RAPGEF4: variants seen among roughly 807,000 people sequenced by gnomAD.
RAPGEF4 encodes the protein Rap guanine nucleotide exchange factor 4.
A neutral mutation model predicts 147.9 loss-of-function variants in RAPGEF4; 66 were observed. The observed-to-expected ratio is 0.45, with a 90% CI of 0.37 to 0.55. RAPGEF4 has a LOEUF of 0.55. Among genes scored for constraint, RAPGEF4 ranks in the 20% least tolerant of loss-of-function variants. The pLI is 0.00. For synonymous variants in RAPGEF4, 419 were observed against 442.7 expected, an observed-to-expected ratio of 0.95 and a Z score of 0.67; for missense variants, 1,071 against 1,257.3, an observed-to-expected ratio of 0.85 and a Z score of 2.24.
intron 4 of RAPGEF4, among the ~76,000 whole-genome samples, chr2:172,862,017 A>T (rs997400027): frequency 2.6e-5 from 4 of 152,224 alleles, no homozygotes; most frequent in Non-Finnish European, 4.4e-5. Context: ...CAACAGCGGC[A>T]ATGGCCAAAT....
Position 173,020,137 on chromosome 2 carries a change from G to A in RAPGEF4, c.2156-481G>A, listed in dbSNP as rs115161443. On this transcript the variant is annotated intron_variant, in intron 22 of 30. Transcript: ENST00000397081. ...TGAAGAACTAATTTTTTTAATGTGGGAGGAGGCTTAATCTAGTTAATGCTA... is the reference window on the plus strand; with the variant it reads ...TGAAGAACTAATTTTTTTAATGTGGAAGGAGGCTTAATCTAGTTAATGCTA... 8.0e-3 allele frequency among the ~76,000 whole-genome samples: 1,225 copies of A among 152,188 alleles called. 18 individuals are homozygous for A. The highest frequency in any genetic ancestry group is 0.028 in the African/African-American group (1,179 of 41,508).
chr2:173,034,928 TTAAC>T (rs573535428), intron 27 of RAPGEF4, among the ~76,000 whole-genome samples: 57 of 150,440 alleles, frequency 3.8e-4, no homozygotes, highest in Non-Finnish European at 7.7e-4. Flanking sequence ...ATCAATTTGT[TTAAC>T]TAAGTCTACC....
intron 6 of RAPGEF4, among the ~76,000 whole-genome samples, chr2:172,954,467 G>A (rs191828983): frequency 2.0e-5 from 3 of 152,118 alleles, no homozygotes; most frequent in Non-Finnish European, 4.4e-5. Context: ...TTTGAACTTA[G>A]GGGAAAAGAC....
At chr2:173,033,863 T>C in intron 26 of RAPGEF4, 51 bp from the exon 27 acceptor site, 1 of 1,546,398 alleles carries the variant, frequency 6.5e-7, no homozygotes, top group South Asian at 1.1e-5. Flanking sequence ...ATGATACATA[T>C]CTAGATATTG....
In RAPGEF4 at chr2:173,033,929, T is replaced by A. The variant is rs756548382; in HGVS notation, c.2665T>A (p.Phe889Ile). 4 of 1,612,746 alleles carry A rather than the reference T, an allele frequency of 2.5e-6. No homozygotes were observed. The East Asian group carries it at 6.7e-5, about 27-fold the overall frequency. The stretch of plus-strand genomic sequence containing the variant: ...TCATTAACAGAAACTGCCAAGCAAG[T>A]TCAAGAAGTTCTATGCGGAGTTTGA... ...ALTWEKLPSK[F>I]KKFYAEFESL... Residue 889 changes from phenylalanine (F) to isoleucine (I), a missense_variant, in exon 27 of 31, where the codon TTC becomes ATC. Phe to Ile is a conservative substitution (Grantham distance 21). Coordinates refer to ENST00000397081, the MANE Select transcript of RAPGEF4 (RefSeq NM_007023.4).
At chr2:172,988,548 GT>G in intron 13 of RAPGEF4, 144 bp from the exon 14 acceptor site, 1 of 1,092,720 alleles carries the variant, frequency 9.2e-7, no homozygotes, top group Non-Finnish European at 1.3e-6. Context: ...ACATCATAAT[GT>G]AATTATGTAA....
intron 1 of RAPGEF4, among the ~76,000 whole-genome samples, chr2:172,752,556 TA>T (rs1695396342): frequency 1.3e-5 from 2 of 152,224 alleles, no homozygotes; most frequent in African/African-American, 4.8e-5. Flanking sequence ...TTTGAAAGTC[TA>T]GGTTGCAGAG....
At chr2:172,796,504 G>C (rs574900700) in intron 2 of RAPGEF4, among the ~76,000 whole-genome samples, 1 of 152,230 alleles carries the variant, frequency 6.6e-6, no homozygotes, top group East Asian at 1.9e-4. Flanking sequence ...AGAATTGCTT[G>C]AACCCAGGAG....
At position 172,784,483 on chromosome 2, in the gene RAPGEF4, A is replaced by C. The variant is rs150807316; in HGVS notation, c.66-10542A>C. On this transcript the variant is annotated intron_variant, in intron 1 of 30. Transcript: ENST00000397081. ...CAGTGCGCCGAGATCGTGCCACTGC[A>C]CTCCAGCCTGGGCAACAGAGCGAAA... Among the ~76,000 whole-genome samples the C allele has an allele frequency of 4.0e-3, 606 of 150,866 alleles. 2 individuals carry two copies. Among genetic ancestry groups the C allele is most frequent in the African/African-American group, 0.014 (567 of 41,028 alleles).
At chr2:172,790,971 A>ATCAAGGTGCCAGCATCTACTGGACT (rs1685760402) in intron 1 of RAPGEF4, among the ~76,000 whole-genome samples, 2 of 152,238 alleles carry the variant, frequency 1.3e-5, no homozygotes, top group African/African-American at 4.8e-5. Context: ...GAAGTCCAGT[A>ATCAAGGTGCCAGCATCTACTGGACT]TCAAGGTGCC....
At chr2:172,763,701 T>A (rs1042882945) in intron 1 of RAPGEF4, among the ~76,000 whole-genome samples, 8 of 152,166 alleles carry the variant, frequency 5.3e-5, no homozygotes, top group African/African-American at 1.7e-4. Flanking sequence ...TAGGAAAAAA[T>A]GACCTGCAGA....
chr2:172,787,912 G>A (rs956092161), intron 1 of RAPGEF4, among the ~76,000 whole-genome samples: 1 of 152,138 alleles, frequency 6.6e-6, no homozygotes, highest in African/African-American at 2.4e-5. Flanking sequence ...GAGCCACCAT[G>A]CCCTGGCTAA....
At chr2:173,028,160 A>G (rs2105960805) in intron 25 of RAPGEF4, among the ~76,000 whole-genome samples, 1 of 152,344 alleles carries the variant, frequency 6.6e-6, no homozygotes, top group African/African-American at 2.4e-5. Flanking sequence ...CAACAACTTG[A>G]GGGTTCAATA....
chr2:172,993,460 G>T (rs187079195), intron 15 of RAPGEF4, among the ~76,000 whole-genome samples: 105 of 152,294 alleles, frequency 6.9e-4, no homozygotes, highest in African/African-American at 2.4e-3. Context: ...GGAACAGATT[G>T]TAGTGTCCTC....
intron 6 of RAPGEF4, among the ~76,000 whole-genome samples, chr2:172,958,185 TCCCATA>T (rs1213040010): frequency 6.6e-6 from 1 of 152,094 alleles, no homozygotes; most frequent in Non-Finnish European, 1.5e-5. Context: ...CAGAAACAAA[TCCCATA>T]CCCATCTACT....
At chr2:172,943,776 T>C (rs759732948) in intron 6 of RAPGEF4, among the ~76,000 whole-genome samples, 9 of 152,186 alleles carry the variant, frequency 5.9e-5, no homozygotes, top group Non-Finnish European at 1.3e-4. Flanking sequence ...TGCGTTTGCT[T>C]TCATAACCTG....
At chr2:172,760,370 TA>T (rs1352078119) in intron 1 of RAPGEF4, among the ~76,000 whole-genome samples, 3 of 151,946 alleles carry the variant, frequency 2.0e-5, no homozygotes, top group Admixed American at 1.3e-4. Flanking sequence ...ATACAAGAAA[TA>T]AAGAAGAAAG....
intron 23 of RAPGEF4, 130 bp from the exon 24 acceptor site, chr2:173,026,442 C>CA (rs1559195436): frequency 2.0e-6 from 2 of 1,007,570 alleles, no homozygotes; most frequent in East Asian, 5.5e-5. Context: ...CATCTCTCCT[C>CA]AGAGTTTCCA....
chr2:172,986,852 C>T (rs868594199), intron 12 of RAPGEF4, among the ~76,000 whole-genome samples: 9 of 152,188 alleles, frequency 5.9e-5, no homozygotes, highest in South Asian at 2.1e-4. Flanking sequence ...TGCCACCACG[C>T]CCAGCTAATT....
Sources: gnomAD v4.1 joint callset for allele counts (sites outside exome capture counted in the v4.1 genomes callset) on GRCh38, gnomAD v4.1.1 for gene constraint, MANE v1.5 for transcripts, NCBI Gene and HGNC (gene_info 2026-07-23, HGNC 2026-07-21) for gene names.